The following CFAP99 variants were observed in gnomAD, a reference collection of about 807,000 sequenced individuals.
The protein encoded by CFAP99 is cilia- and flagella-associated protein 99.
CFAP99 carries 84 observed loss-of-function variants against 82.7 expected under a neutral mutation model. The observed-to-expected ratio is 1.02, with a 90% confidence interval of 0.85 to 1.22. CFAP99 has a LOEUF of 1.22. Ranked by LOEUF, CFAP99 falls within the 50% of genes most tolerant of loss-of-function variation. The probability of loss-of-function intolerance (pLI) is 0.00; values close to 1 mark genes in which losing one functional copy is unlikely to be tolerated. For missense variants in CFAP99, 1,059 were observed against 983.5 expected, an observed-to-expected ratio of 1.08 and a Z score of -1.03; for synonymous variants, 456 against 429.5, an observed-to-expected ratio of 1.06 and a Z score of -0.76.
chr4:2,438,906 C>A (rs1733978534), intron 4 of CFAP99, among the ~76,000 whole-genome samples: 1 of 152,340 alleles, frequency 6.6e-6, no homozygotes, highest in Admixed American at 6.5e-5. Flanking sequence ...AAATCCGAGG[C>A]CCAGAACAGC....
intron 10 of CFAP99, among the ~76,000 whole-genome samples, chr4:2,451,924 T>G (rs570263851): frequency 2.9e-4 from 30 of 105,128 alleles, no homozygotes; most frequent in East Asian, 1.2e-3. Context: ...AAGGGAGGGG[T>G]GGGTGGATGG....
At chr4:2,437,974 G>A (rs1881185) in intron 3 of CFAP99, 96 bp from the exon 4 acceptor site, 88,898 of 685,568 alleles carry the variant, frequency 0.13, 6,334 homozygotes, top group East Asian at 0.15. Flanking sequence ...CTGTGGCTGC[G>A]TGCCCTGACA....
chr4:2,432,143 C>T (rs1733813141), intron 2 of CFAP99, among the ~76,000 whole-genome samples: 1 of 152,234 alleles, frequency 6.6e-6, no homozygotes, highest in Admixed American at 6.5e-5. Flanking sequence ...CCTCTCCATG[C>T]AGCCATCCTT....
chr4:2,449,770 T>C lies in CFAP99; in HGVS notation c.723+20T>C, dbSNP rs1485079818. ...GCCGAGGTGAGCTGTGTGCGACCCC[T>C]GCCTTCCTAGAGACCCCATATGAGG... is the stretch of plus-strand genomic sequence containing the variant. On this transcript the variant is annotated intron_variant, in intron 7 of 14. Transcript: ENST00000635017. 1.3e-6 allele frequency: 2 copies of C among 1,535,710 alleles called. No individual in the cohort carries two copies. The highest frequency in any genetic ancestry group is 2.4e-5 in the East Asian group (1 of 40,898).
intron 2 of CFAP99, among the ~76,000 whole-genome samples, chr4:2,433,638 G>A (rs1048333410): frequency 6.6e-6 from 1 of 152,184 alleles, no homozygotes; most frequent in African/African-American, 2.4e-5. Context: ...CGCGATCTAT[G>A]TGGAGGCAGG....
chr4:2,420,821 C>T (rs1194053105), intron 1 of CFAP99, among the ~76,000 whole-genome samples: 1 of 152,122 alleles, frequency 6.6e-6, no homozygotes, highest in East Asian at 1.9e-4. Context: ...GGATGGCTGC[C>T]CACATTCCTG....
chr4:2,459,009 C>T, intron 12 of CFAP99, 98 bp from the exon 13 acceptor site: 1 of 1,447,308 alleles, frequency 6.9e-7, no homozygotes, highest in South Asian at 1.4e-5. Context: ...CGCACTGAGG[C>T]CAGAGTCCTG....
chr4:2,436,956 T>C, exon 3 of CFAP99: 7 of 1,536,080 alleles, frequency 4.6e-6, no homozygotes, highest in Non-Finnish European at 6.1e-6. Flanking sequence ...ACCGTCGTGG[T>C]GGATGCCTTC....
rs369853535 is a variant in CFAP99, at chr4:2,422,276, C to T, written c.-18+3183C>T. ...GCCAGATTCAGGGGTGCAGAGGCCC[C>T]GCCCCAGGGACCTTCAGGCCGGACA... On this transcript the variant is annotated intron_variant, in intron 1 of 14. Transcript: ENST00000635017. 4.1e-4 allele frequency among the ~76,000 whole-genome samples: 62 copies of T among 152,300 alleles called. 1 individual carries two copies. The highest frequency in any genetic ancestry group is 1.3e-3 in the African/African-American group (52 of 41,570).
At chr4:2,421,447 C>T (rs10032320) in intron 1 of CFAP99, among the ~76,000 whole-genome samples, 3,149 of 150,438 alleles carry the variant, frequency 0.021, 83 homozygotes, top group African/African-American at 0.067. Context: ...CTCTGCCTCC[C>T]GGGTTCAAGC....
chr4:2,462,701 G>A lies in CFAP99; in HGVS notation c.1920G>A (p.Arg640=), dbSNP rs974269108. Residue 640 remains arginine (R), a synonymous_variant, in exon 15 of 15, where the codon CGG becomes CGA. Coordinates refer to ENST00000635017, the Ensembl canonical transcript of CFAP99. This position sits in a 1 kb window ranked among gnomAD's most constrained non-coding sequence, Gnocchi z 4.1. ...GCGCAGGGACCGGCGTCCCGGGGCG[G>A]GGATGGCGGGGAGATCGGGTCCGGT... The A allele has an allele frequency of 3.2e-6, 4 of 1,253,086 alleles. No individual in the cohort carries two copies. Among genetic ancestry groups the A allele is most frequent in the South Asian group, 5.5e-5 (2 of 36,160 alleles). 77.6% of individuals were successfully genotyped at this position (1,253,086 alleles called of 1,614,324 possible).
rs1375801297 is a variant in CFAP99, at chr4:2,462,858, C to T, written c.2077C>T (p.Arg693Cys). 1.1e-5 allele frequency: 15 copies of T among 1,393,128 alleles called. No homozygotes were observed. Among genetic ancestry groups the T allele is most frequent in the Non-Finnish European group, 1.3e-5 (14 of 1,073,194 alleles). The allele number at this position is 1,393,128 out of a possible 1,614,324, so 86.3% of individuals were successfully genotyped here. A position where few individuals can be genotyped will look rare whatever the true frequency, so the allele number is the denominator to read the frequency against. The change falls in exon 15 of 15, where the codon CGC (arginine) becomes TGC (cysteine). Residue 693 changes from arginine to cysteine, a missense_variant. Transcript: ENST00000635017. The surrounding 1 kb of genome is among the most constrained non-coding windows in gnomAD (Gnocchi z 4.1). The stretch of plus-strand genomic sequence containing the variant: ...GCTGGAGCTGGAGCGGAGCCGCGAG[C>T]GCAGGCTGCAGGCGCTGCAGCAGGG...
At chr4:2,438,513 C>T (rs536876548) in intron 4 of CFAP99, among the ~76,000 whole-genome samples, 14 of 152,266 alleles carry the variant, frequency 9.2e-5, no homozygotes, top group African/African-American at 3.1e-4. Context: ...CCGCCCGCCT[C>T]GGCCTCCCAA....
At position 2,449,968 on chromosome 4, in the gene CFAP99, G is replaced by A. The variant is rs1021871241; in HGVS notation, c.758G>A (p.Arg253His). ...CTGAGGGCAAACATCGAGGAACTGCGCTGCGCCATGCCCAGGTCCTGCAGG... is the reference window on the plus strand; with the variant it reads ...CTGAGGGCAAACATCGAGGAACTGCACTGCGCCATGCCCAGGTCCTGCAGG... The change falls in exon 8 of 15, where the codon CGC becomes CAC. Residue 253 changes from arginine (R) to histidine (H), a missense_variant. Transcript: ENST00000635017. 1.3e-5 allele frequency: 20 copies of A among 1,536,050 alleles called. No homozygotes were observed. The Middle Eastern group carries it at 5.0e-4, about 38-fold the overall frequency.
At chr4:2,454,594 G>T (rs11737065) in intron 11 of CFAP99, among the ~76,000 whole-genome samples, 18,062 of 82,392 alleles carry the variant, frequency 0.22, 1,362 homozygotes, top group Non-Finnish European at 0.29. Context: ...TTTTTTTTTT[G>T]TTTTTTTTTT....
At chr4:2,451,184 G>A (rs539505599) in intron 9 of CFAP99, 80 bp from the exon 10 acceptor site, 54 of 1,492,358 alleles carry the variant, frequency 3.6e-5, no homozygotes, top group Admixed American at 2.2e-4. Context: ...CAGGTGTGAC[G>A]GGCATGAGGG....
In CFAP99 at chr4:2,418,993, G is replaced by C. The variant is rs1175794804; in HGVS notation, c.-118G>C. On this transcript the variant is annotated 5_prime_UTR_variant, in exon 1 of 15. Coordinates refer to ENST00000635017, the Ensembl canonical transcript of CFAP99. This position sits in a 1 kb window ranked among gnomAD's most constrained non-coding sequence, Gnocchi z 4.6. ...GGCGTCCTGCCTACCGGGAGCTGAC[G>C]GACGACGACTGCCAACACCTTAGCC... The C allele has an allele frequency of 2.6e-5, 4 of 152,156 alleles. No homozygotes were observed. The highest frequency in any genetic ancestry group is 5.9e-5 in the Non-Finnish European group (4 of 68,016). The allele number at this position is 152,156 out of a possible 1,614,324, so 9.4% of individuals were successfully genotyped here.
chr4:2,428,394 AT>A (rs374388728), intron 2 of CFAP99: 43 of 151,940 alleles, frequency 2.8e-4, no homozygotes, highest in Middle Eastern at 3.4e-3. Context: ...CCCTAAAAAC[AT>A]TTTTTTTAAG....
chr4:2,450,159 GC>G, intron 8 of CFAP99, 154 bp downstream of exon 8: 1 of 764,548 alleles, frequency 1.3e-6, no homozygotes, highest in Non-Finnish European at 2.2e-6. Flanking sequence ...GGGAAAGTGT[GC>G]CTTGAGCCCA....
Sources: gnomAD v4.1 joint callset for allele counts (sites outside exome capture counted in the v4.1 genomes callset) on GRCh38, gnomAD v4.1.1 for gene constraint, Gnocchi (gnomAD v3.1) non-coding constraint, MANE v1.5 for transcripts, NCBI Gene and HGNC (gene_info 2026-07-23, HGNC 2026-07-21) for gene names.